DNAH1: variants seen among roughly 807,000 people sequenced by gnomAD.
DNAH1 encodes dynein axonemal heavy chain 1.
In DNAH1, 327 loss-of-function variants were observed where a neutral mutation model predicts 484.3. That is an observed-to-expected ratio of 0.68 (90% CI 0.62 to 0.74). The LOEUF is 0.74. DNAH1 is among the 30% of genes least tolerant of loss of function. The pLI is 0.00. For missense variants in DNAH1, 5,052 were observed against 5,546.8 expected (o/e 0.91, Z 2.83); for synonymous variants, 2,192 against 2,191.9 (o/e 1.00, Z 0.00).
At position 52,357,700 on chromosome 3, in the gene DNAH1, C is replaced by A. The variant is rs751478610; in HGVS notation, c.3945C>A (p.Ser1315Arg). 3 of 1,587,024 alleles carry A rather than the reference C, an allele frequency of 1.9e-6. No homozygotes were observed. The highest frequency in any genetic ancestry group is 2.6e-6 in the Non-Finnish European group (3 of 1,166,352). The stretch of plus-strand genomic sequence containing the variant: ...TGGACCTGGTGCAGAAGGGCCTCAG[C>A]GAGTATCTGGAGACCAAGAGGAGCG... ...KILDLVQKGL[S>R]EYLETKRSAF... The change falls in exon 23 of 78, where the codon AGC (serine) becomes AGA (arginine). Residue 1315 changes from serine to arginine, a missense_variant. Physicochemically the swap from Ser to Arg is moderately radical, Grantham distance 110. This residue lies in a region of DNAH1 where 2,929 missense variants were observed against 3,409.4 expected (regional missense o/e 0.86). Coordinates refer to ENST00000420323, the MANE Select transcript of DNAH1 (RefSeq NM_015512.5).
At position 52,359,933 on chromosome 3, in the gene DNAH1, C is replaced by T. The variant is rs1484055305; in HGVS notation, c.4425C>T (p.Ala1475=). The T allele has an allele frequency of 6.2e-7, 1 of 1,613,788 alleles. No individual in the cohort carries two copies. Among genetic ancestry groups the T allele is most frequent in the Non-Finnish European group, 8.5e-7 (1 of 1,179,868 alleles). Residue 1475 remains alanine, a synonymous_variant, in exon 27 of 78, where the codon GCC becomes GCT. Coordinates refer to ENST00000420323, the MANE Select transcript of DNAH1 (RefSeq NM_015512.5). The part of the protein sequence containing the change: ...QLCQQLSDLV[A]LVRGKLSRMQ... ...TTCTGCAGCTCAGTGATCTGGTGGC[C>T]CTTGTGCGGGGGAAGCTGTCCCGCA...
In DNAH1 at chr3:52,346,732, C is replaced by G; in HGVS notation, c.1917C>G (p.Asp639Glu). ...GCAGCGTGCTCAACTGCACCGATGACATGGTCTGGGGTGACGACTTAATTA... is the reference window on the plus strand; with the variant it reads ...GCAGCGTGCTCAACTGCACCGATGAGATGGTCTGGGGTGACGACTTAATTA... ...TCCSVLNCTDDMVWGDDLINS... is the reference protein window; with the variant it reads ...TCCSVLNCTDEMVWGDDLINS... The change falls in exon 11 of 78, where the codon GAC becomes GAG. Residue 639 changes from aspartate (D) to glutamate (E), a missense_variant. Transcript: ENST00000420323. 1 of 1,613,244 alleles carries G rather than the reference C, an allele frequency of 6.2e-7. No homozygotes were observed. Among genetic ancestry groups the G allele is most frequent in the South Asian group, 1.1e-5 (1 of 91,044 alleles).
At chr3:52,384,507 G>C (rs1484705695) in intron 52 of DNAH1, among the ~76,000 whole-genome samples, 3 of 152,234 alleles carry the variant, frequency 2.0e-5, no homozygotes, top group Non-Finnish European at 4.4e-5. Flanking sequence ...ACTGGGCCAA[G>C]AGCTGGGAGA....
At chr3:52,371,310 C>T (rs985645551) in intron 41 of DNAH1, among the ~76,000 whole-genome samples, 2 of 152,236 alleles carry the variant, frequency 1.3e-5, no homozygotes, top group African/African-American at 2.4e-5. Context: ...GGTGGAAAGG[C>T]GTCTGCAGAG....
intron 1 of DNAH1, among the ~76,000 whole-genome samples, chr3:52,317,537 T>G (rs7615405): frequency 0.15 from 23,022 of 152,238 alleles, 2,365 homozygotes; most frequent in African/African-American, 0.28. Flanking sequence ...CCCAAATTAT[T>G]TACATATGTA....
rs373766536 is a variant in DNAH1, at chr3:52,345,357, G to A, written c.1445-138G>A. 42 of 710,900 alleles carry A rather than the reference G, an allele frequency of 5.9e-5. No individual in the cohort carries two copies. In the East Asian group the frequency reaches 8.7e-4, roughly 15 times the overall value. 44.0% of individuals were successfully genotyped at this position (710,900 alleles called of 1,614,324 possible). The stretch of plus-strand genomic sequence containing the variant: ...CCACTCCGGCAAACTATGGAAAGGC[G>A]GGGCTCTGGGAACGCCAGTCACTCT... On this transcript the variant is annotated intron_variant, in intron 9 of 77. Transcript: ENST00000420323.
intron 36 of DNAH1, among the ~76,000 whole-genome samples, chr3:52,367,941 T>C (rs904224608): frequency 6.6e-6 from 1 of 152,200 alleles, no homozygotes; most frequent in African/African-American, 2.4e-5. Flanking sequence ...CAGGGACCAC[T>C]GCACTGGGGC....
intron 2 of DNAH1, among the ~76,000 whole-genome samples, chr3:52,323,499 T>C (rs984545123): frequency 6.6e-6 from 1 of 152,212 alleles, no homozygotes; most frequent in East Asian, 1.9e-4. Context: ...CAGAGATACC[T>C]GCTGGCCTTG....
At chr3:52,320,135 G>A (rs972043618) in intron 1 of DNAH1, among the ~76,000 whole-genome samples, 1 of 152,244 alleles carries the variant, frequency 6.6e-6, no homozygotes, top group Non-Finnish European at 1.5e-5. Context: ...TGGGACCCTG[G>A]CCTCTCCAAG....
intron 1 of DNAH1, among the ~76,000 whole-genome samples, chr3:52,320,801 T>C (rs1327051271): frequency 1.5e-5 from 1 of 65,496 alleles, no homozygotes; most frequent in Non-Finnish European, 3.0e-5. Context: ...CTTTCTTTCC[T>C]TTTTTTTTTT....
At chr3:52,390,820 T>A (rs1426459156) in intron 60 of DNAH1, 115 bp from the exon 61 acceptor site, 1 of 1,454,616 alleles carries the variant, frequency 6.9e-7, no homozygotes, top group Non-Finnish European at 9.3e-7. Flanking sequence ...TCCAAGGGGA[T>A]GCAGTAAGGA....
rs1216060013 is a variant in DNAH1 at position 52,380,939 on chromosome 3, GGA to G, written c.7609-697_7609-696del. ...TTTATTAGGGGAACTCACATACAGG[GGA>G]GAGCAGAGATGTTCTAGCTCAGTAT... On this transcript the variant is annotated intron_variant, in intron 48 of 77. Transcript: ENST00000420323. Among the ~76,000 whole-genome samples, 11 of 152,328 alleles carry G rather than the reference GGA, an allele frequency of 7.2e-5. No individual in the cohort carries two copies. In the South Asian group the frequency reaches 2.3e-3, roughly 32 times the overall value.
At chr3:52,323,615 G>A (rs1031666317) in intron 2 of DNAH1, among the ~76,000 whole-genome samples, 193 bp from the exon 3 acceptor site, 7 of 152,188 alleles carry the variant, frequency 4.6e-5, no homozygotes, top group Non-Finnish European at 1.0e-4. Flanking sequence ...GAAGTCCTGG[G>A]TAGCCACAGC....
At chr3:52,374,088 A>G (rs879178993) in intron 44 of DNAH1, 3 of 1,051,440 alleles carry the variant, frequency 2.9e-6, no homozygotes, top group Admixed American at 3.4e-5. Flanking sequence ...GAAGATCCTC[A>G]GGAGAGAGAT....
At chr3:52,370,929 C>T in intron 41 of DNAH1, 104 bp downstream of exon 41, 1 of 1,092,508 alleles carries the variant, frequency 9.2e-7, no homozygotes. Context: ...CATTGATGGC[C>T]ACCAGGTCTC....
intron 8 of DNAH1, among the ~76,000 whole-genome samples, chr3:52,333,218 G>A (rs1226758834): frequency 6.6e-6 from 1 of 152,108 alleles, no homozygotes; most frequent in Non-Finnish European, 1.5e-5. Flanking sequence ...ATTATATTTA[G>A]AAGCCAAGAT....
At chr3:52,373,522 T>C in intron 44 of DNAH1, 3 of 1,462,726 alleles carry the variant, frequency 2.1e-6, no homozygotes, top group Non-Finnish European at 2.8e-6. Flanking sequence ...CTTGTTGCTG[T>C]CCCGTCTACA....
At position 52,355,572 on chromosome 3, in the gene DNAH1, T is replaced by C. The variant is rs1470536054; in HGVS notation, c.3693+517T>C. 6.6e-6 allele frequency among the ~76,000 whole-genome samples: 1 copy of C among 152,232 alleles called. No individual in the cohort carries two copies. Among genetic ancestry groups the C allele is most frequent in the Non-Finnish European group, 1.5e-5 (1 of 68,046 alleles). Reference sequence around the variant, plus strand: ...GAGGCAAGGGCTGCCCACAGAGCCCTGGAGGGCAGTCCCGGGGCCAGCCTG... The same window carrying C: ...GAGGCAAGGGCTGCCCACAGAGCCCCGGAGGGCAGTCCCGGGGCCAGCCTG... On this transcript the variant is annotated intron_variant, in intron 21 of 77. Transcript: ENST00000420323. This position sits in a 1 kb window ranked among gnomAD's most constrained non-coding sequence, Gnocchi z 4.5.
Position 52,358,718 on chromosome 3 carries a change from C to T in DNAH1, c.4247C>T (p.Ala1416Val). Residue 1416 changes from alanine (A) to valine (V), a missense_variant, in exon 25 of 78, where the codon GCC (alanine) becomes GTC (valine). Ala to Val is a moderately conservative substitution (Grantham distance 64). Coordinates refer to ENST00000420323, the MANE Select transcript of DNAH1 (RefSeq NM_015512.5). The surrounding 1 kb of genome is among the most constrained non-coding windows in gnomAD (Gnocchi z 4.2). ...AGTGTGCACGACATCATTGAGAAGG[C>T]CATCAGGGCCTACCCCACGGTGAGC... ...KASVHDIIEK[A>V]IRAYPTMPRT... The T allele has an allele frequency of 6.2e-7, 1 of 1,612,704 alleles. No homozygotes were observed. The highest frequency in any genetic ancestry group is 1.3e-5 in the African/African-American group (1 of 74,980).
Sources: gnomAD v4.1 joint callset for allele counts (sites outside exome capture counted in the v4.1 genomes callset) on GRCh38, gnomAD v4.1.1 for gene constraint, gnomAD v4.1.1 regional missense constraint, Gnocchi (gnomAD v3.1) non-coding constraint, MANE v1.5 for transcripts, NCBI Gene and HGNC (gene_info 2026-07-23, HGNC 2026-07-21) for gene names.